PTPRD: variants seen among roughly 807,000 people sequenced by gnomAD.
The protein encoded by PTPRD is receptor-type tyrosine-protein phosphatase delta.
In PTPRD, 34 loss-of-function variants were observed where a neutral mutation model predicts 214.5. The observed-to-expected ratio is 0.16, with a 90% CI of 0.12 to 0.21. The LOEUF is 0.21. PTPRD is among the 10% of genes least tolerant of loss of function. The pLI is 1.00. For synonymous variants in PTPRD, 1,128 were observed against 845.7 expected (o/e 1.33, Z -5.79); for missense variants, 2,545 against 2,398.7 (o/e 1.06, Z -1.27).
At chr9:9,396,714 A>G (rs1369501507) in intron 9 of PTPRD, among the ~76,000 whole-genome samples, 1 of 152,056 alleles carries the variant, frequency 6.6e-6, no homozygotes, top group Non-Finnish European at 1.5e-5. Context: ...TCGCAATTGA[A>G]TAAGAACAAA....
At chr9:9,572,742 G>T (rs962526277) in intron 8 of PTPRD, among the ~76,000 whole-genome samples, 6 of 150,400 alleles carry the variant, frequency 4.0e-5, no homozygotes, top group Admixed American at 1.3e-4. Context: ...AGAAAAAAAA[G>T]GCAAAAGTTT....
At chr9:8,988,078 G>C (rs1005371890) in intron 11 of PTPRD, among the ~76,000 whole-genome samples, 3 of 151,924 alleles carry the variant, frequency 2.0e-5, no homozygotes, top group Admixed American at 1.3e-4. Context: ...TAGAAATGTA[G>C]ATGCTTCCCA....
At chr9:8,534,277 T>C (rs1484130433) in intron 14 of PTPRD, among the ~76,000 whole-genome samples, 2 of 151,880 alleles carry the variant, frequency 1.3e-5, no homozygotes, top group Non-Finnish European at 2.9e-5. Context: ...ACAATGACAC[T>C]GCAAAGAACA....
intron 3 of PTPRD, among the ~76,000 whole-genome samples, chr9:10,060,791 T>TCTTTCTTC (rs2097751027): frequency 7.9e-6 from 1 of 127,152 alleles, no homozygotes; most frequent in Admixed American, 7.1e-5. Context: ...TTTCTTTCTT[T>TCTTTCTTC]CTTTCTTTCT....
rs139146773 is a variant in PTPRD, at chr9:10,243,148, T to C, written c.-545+97815A>G. 3.6e-3 allele frequency among the ~76,000 whole-genome samples: 544 copies of C among 152,058 alleles called. 2 individuals are homozygous for C. The highest frequency in any genetic ancestry group is 0.012 in the African/African-American group (485 of 41,536). On this transcript the variant is annotated intron_variant, in intron 3 of 45. Transcript: ENST00000381196. ...TCAAAAATCCAAGGATATTCACTCTTGAGGAGGGAGTTATTCAGAGACTTC... is the reference window on the plus strand; with the variant it reads ...TCAAAAATCCAAGGATATTCACTCTCGAGGAGGGAGTTATTCAGAGACTTC...
intron 2 of PTPRD, among the ~76,000 whole-genome samples, chr9:10,364,917 A>G (rs2097485277): frequency 6.6e-6 from 1 of 152,230 alleles, no homozygotes; most frequent in Admixed American, 6.5e-5. Flanking sequence ...AGAGAAAGTA[A>G]ACATATCAAT....
At chr9:10,113,705 T>G (rs1462566134) in intron 3 of PTPRD, among the ~76,000 whole-genome samples, 2 of 152,134 alleles carry the variant, frequency 1.3e-5, no homozygotes, top group African/African-American at 4.8e-5. Flanking sequence ...ATGGGGTAAT[T>G]TATAAAAAAA....
intron 4 of PTPRD, among the ~76,000 whole-genome samples, chr9:9,946,626 C>A (rs1189192943): frequency 6.6e-6 from 1 of 151,822 alleles, no homozygotes; most frequent in Non-Finnish European, 1.5e-5. Context: ...GTCTCCAGAC[C>A]ACTGCTCCCC....
At chr9:9,955,502 G>GTT (rs916161010) in intron 4 of PTPRD, among the ~76,000 whole-genome samples, 2 of 147,068 alleles carry the variant, frequency 1.4e-5, no homozygotes, top group Non-Finnish European at 3.0e-5. Context: ...TTGGGTTTTC[G>GTT]TTTTTTTTGT....
intron 2 of PTPRD, among the ~76,000 whole-genome samples, chr9:10,492,034 G>T (rs1350609421): frequency 6.6e-6 from 1 of 152,108 alleles, no homozygotes; most frequent in Non-Finnish European, 1.5e-5. Flanking sequence ...CCCTGCAAAG[G>T]ATGTGAACTC....
At chr9:9,846,389 A>T (rs1211552055) in intron 5 of PTPRD, among the ~76,000 whole-genome samples, 4 of 152,200 alleles carry the variant, frequency 2.6e-5, no homozygotes, top group Admixed American at 2.6e-4. Flanking sequence ...AGCAACTTTC[A>T]TATGAAGATA....
intron 36 of PTPRD, among the ~76,000 whole-genome samples, chr9:8,399,473 A>G (rs2091977254): frequency 2.6e-5 from 4 of 152,184 alleles, no homozygotes; most frequent in Admixed American, 2.6e-4. Flanking sequence ...TCAAGGTCAC[A>G]TTGTTGTTTA....
intron 3 of PTPRD, among the ~76,000 whole-genome samples, chr9:10,301,908 G>A (rs1254928909): frequency 6.6e-6 from 1 of 152,078 alleles, no homozygotes; most frequent in Non-Finnish European, 1.5e-5. Flanking sequence ...TCAAATTCAG[G>A]AAATACAGAG....
At chr9:8,348,941 G>A (rs1312100463) in intron 39 of PTPRD, among the ~76,000 whole-genome samples, 1 of 152,090 alleles carries the variant, frequency 6.6e-6, no homozygotes, top group Non-Finnish European at 1.5e-5. Context: ...CCTTATGCCA[G>A]TTGGCGCTCT....
chr9:10,314,170 T>C (rs1338466617), intron 3 of PTPRD, among the ~76,000 whole-genome samples: 2 of 151,950 alleles, frequency 1.3e-5, no homozygotes, highest in East Asian at 3.9e-4. Context: ...GTAGAAATAT[T>C]AATATGGTAG....
At chr9:9,849,352 TA>T (rs545488284) in intron 5 of PTPRD, among the ~76,000 whole-genome samples, 2 of 151,170 alleles carry the variant, frequency 1.3e-5, no homozygotes, top group African/African-American at 2.4e-5. Context: ...AGGCATCAAA[TA>T]AAAAAAAATT....
intron 11 of PTPRD, among the ~76,000 whole-genome samples, chr9:8,916,143 G>T (rs555070932): frequency 6.6e-4 from 101 of 152,226 alleles, no homozygotes; most frequent in African/African-American, 2.4e-3. Flanking sequence ...AATTATCAAT[G>T]GATATACAGT....
At chr9:10,273,090 T>G (rs532936145) in intron 3 of PTPRD, among the ~76,000 whole-genome samples, 1 of 152,308 alleles carries the variant, frequency 6.6e-6, no homozygotes, top group South Asian at 2.1e-4. Context: ...TAATTTCCAG[T>G]TCTGATATTC....
chr9:8,611,753 G>C (rs377569089), intron 14 of PTPRD, among the ~76,000 whole-genome samples: 2 of 132,334 alleles, frequency 1.5e-5, no homozygotes, highest in Non-Finnish European at 3.1e-5. Flanking sequence ...GAAAAGAAAA[G>C]AGAAAAGAAA....
Sources: gnomAD v4.1 joint callset for allele counts (sites outside exome capture counted in the v4.1 genomes callset) on GRCh38, gnomAD v4.1.1 for gene constraint, MANE v1.5 for transcripts, NCBI Gene and HGNC (gene_info 2026-07-23, HGNC 2026-07-21) for gene names.